Variants in WDR25 observed in about 807,000 individuals in gnomAD.
WDR25 encodes WD repeat domain 25.
A neutral mutation model predicts 47.7 loss-of-function variants in WDR25; 35 were observed. The ratio of observed to expected loss-of-function variants is 0.73; its 90% CI spans 0.56 to 0.97. WDR25 has a LOEUF of 0.97. Among genes scored for constraint, WDR25 ranks in the 50% least tolerant of loss-of-function variants. WDR25 has a pLI of 0.00. For missense variants in WDR25, 634 were observed against 704.7 expected (o/e 0.90, Z 1.14); for synonymous variants, 248 against 278.9 (o/e 0.89, Z 1.10).
At chr14:100,416,149 G>A (rs1484458107) in intron 2 of WDR25, among the ~76,000 whole-genome samples, 1 of 152,210 alleles carries the variant, frequency 6.6e-6, no homozygotes, top group African/African-American at 2.4e-5. Context: ...TCTCTACTTA[G>A]AGGTAGTTCT....
chr14:100,445,465 T>TA (rs35433371), intron 2 of WDR25, among the ~76,000 whole-genome samples: 118,854 of 152,058 alleles, frequency 0.78, 46,617 homozygotes, highest in East Asian at 0.9. Context: ...TAGTTTATCA[T>TA]AAAACTCACA....
intron 2 of WDR25, among the ~76,000 whole-genome samples, chr14:100,453,057 C>T (rs933493554): frequency 7.9e-5 from 12 of 151,794 alleles, no homozygotes; most frequent in African/African-American, 1.7e-4. Flanking sequence ...ACAGAGCTGA[C>T]GAGTGAGGGG....
intron 2 of WDR25, among the ~76,000 whole-genome samples, chr14:100,443,402 G>A (rs1346149467): frequency 6.9e-6 from 1 of 143,920 alleles, no homozygotes; most frequent in East Asian, 2.1e-4. Context: ...AAAAGCCACC[G>A]ACTGAATTCT....
chr14:100,470,151 A>G (rs74413792), intron 3 of WDR25, among the ~76,000 whole-genome samples: 2,875 of 152,286 alleles, frequency 0.019, 58 homozygotes, highest in African/African-American at 0.051. Context: ...TGGAGGAGGT[A>G]TGGTTGATGA....
At chr14:100,511,882 C>A (rs1901322753) in intron 4 of WDR25, among the ~76,000 whole-genome samples, 1 of 151,894 alleles carries the variant, frequency 6.6e-6, no homozygotes, top group Non-Finnish European at 1.5e-5. Context: ...TTTTTTTATT[C>A]TGTTAATATG....
In WDR25 at chr14:100,525,765, TA is replaced by T; in HGVS notation, c.1102-102del. 1 of 1,371,590 alleles carries T rather than the reference TA, an allele frequency of 7.3e-7. No individual in the cohort carries two copies. Among genetic ancestry groups the T allele is most frequent in the Non-Finnish European group, 9.9e-7 (1 of 1,012,978 alleles). 85.0% of individuals were successfully genotyped at this position (1,371,590 alleles called of 1,614,324 possible). A position where few individuals can be genotyped will look rare whatever the true frequency, so the allele number is the denominator to read the frequency against. On this transcript the variant is annotated intron_variant, in intron 4 of 6. Transcript: ENST00000402312. This position sits in a 1 kb window ranked among gnomAD's most constrained non-coding sequence, Gnocchi z 4.6. Reference sequence around the variant, plus strand: ...CAGCCTGGGTGTGTGTGGCCCAGCATAAACTTCACTAAACCTGCCTGCCCCC... The same window carrying T: ...CAGCCTGGGTGTGTGTGGCCCAGCATAACTTCACTAAACCTGCCTGCCCCC...
intron 2 of WDR25, among the ~76,000 whole-genome samples, chr14:100,435,449 A>G (rs1402993311): frequency 2.6e-5 from 4 of 152,208 alleles, no homozygotes; most frequent in African/African-American, 9.6e-5. Context: ...TCAATAGAAT[A>G]GGGTTTATGT....
In WDR25 at chr14:100,381,641, T is replaced by C. The variant is rs1306634626; in HGVS notation, c.717T>C (p.Leu239=). Residue 239 remains leucine (L), a synonymous_variant, in exon 2 of 7, where the codon CTT becomes CTC. Coordinates refer to ENST00000402312, the MANE Select transcript of WDR25 (RefSeq NM_001161476.3). ...AAACCACAGTTCCCCGGAAAGTGCT[T>C]TTCCACCTGAGAGGCCACAGGGGCC... is the stretch of plus-strand genomic sequence containing the variant. The part of the protein sequence containing the change: ...YKETTVPRKV[L]FHLRGHRGPV... 1.2e-6 allele frequency: 2 copies of C among 1,613,934 alleles called. No individual in the cohort carries two copies. The highest frequency in any genetic ancestry group is 1.7e-6 in the Non-Finnish European group (2 of 1,180,002).
chr14:100,447,321 C>T (rs1290402160), intron 2 of WDR25, among the ~76,000 whole-genome samples: 4 of 152,152 alleles, frequency 2.6e-5, no homozygotes, highest in Non-Finnish European at 4.4e-5. Flanking sequence ...AAATCTACAA[C>T]GATTTTAATT....
intron 2 of WDR25, among the ~76,000 whole-genome samples, chr14:100,387,944 T>G (rs1897055693): frequency 6.6e-6 from 1 of 152,234 alleles, no homozygotes; most frequent in South Asian, 2.1e-4. Context: ...GATTTATCAT[T>G]GTTAGTGAAT....
intron 2 of WDR25, among the ~76,000 whole-genome samples, chr14:100,433,182 T>C (rs1898394443): frequency 6.6e-6 from 1 of 152,284 alleles, no homozygotes; most frequent in South Asian, 2.1e-4. Context: ...TTCATGGTCA[T>C]GTGTTCCCTT....
rs112617279 is a variant in WDR25, at chr14:100,529,057, G to A, written c.1273-11G>A. 2 of 1,527,454 alleles carry A rather than the reference G, an allele frequency of 1.3e-6. No homozygotes were observed. Among genetic ancestry groups the A allele is most frequent in the African/African-American group, 1.4e-5 (1 of 72,702 alleles). The allele number at this position is 1,527,454 out of a possible 1,614,324, so 94.6% of individuals were successfully genotyped here. A position where few individuals can be genotyped will look rare whatever the true frequency, so the allele number is the denominator to read the frequency against. ...TCTTCTCTGACCCATTTGTGGCTCT[G>A]CTGTTCTCAGGAGAGGTTCACCTGC... On this transcript the variant is annotated splice_polypyrimidine_tract_variant and intron_variant, in intron 5 of 6. Coordinates refer to ENST00000402312, the MANE Select transcript of WDR25 (RefSeq NM_001161476.3). The surrounding 1 kb of genome is among the most constrained non-coding windows in gnomAD (Gnocchi z 5.1).
At chr14:100,416,152 G>A (rs145185662) in intron 2 of WDR25, among the ~76,000 whole-genome samples, 207 of 152,310 alleles carry the variant, frequency 1.4e-3, no homozygotes, top group African/African-American at 4.9e-3. Flanking sequence ...CTACTTAGAG[G>A]TAGTTCTTTA....
intron 2 of WDR25, among the ~76,000 whole-genome samples, chr14:100,411,022 A>G (rs1339491004): frequency 1.3e-5 from 2 of 152,206 alleles, no homozygotes; most frequent in African/African-American, 4.8e-5. Flanking sequence ...AGCTCAAGCA[A>G]TCCGCCCGCC....
intron 3 of WDR25, among the ~76,000 whole-genome samples, chr14:100,472,569 C>G (rs1211500908): frequency 6.6e-6 from 1 of 152,242 alleles, no homozygotes; most frequent in Non-Finnish European, 1.5e-5. Flanking sequence ...GCTAAGCTGT[C>G]CAGATGGCCC....
intron 2 of WDR25, among the ~76,000 whole-genome samples, chr14:100,387,945 G>A (rs1897055763): frequency 6.6e-6 from 1 of 152,326 alleles, no homozygotes; most frequent in Admixed American, 6.5e-5. Flanking sequence ...ATTTATCATT[G>A]TTAGTGAATC....
Position 100,530,040 on chromosome 14 carries a change from G to A in WDR25, c.1634G>A (p.Ter545=). 1 of 1,609,070 alleles carries A rather than the reference G, an allele frequency of 6.2e-7. No individual in the cohort carries two copies. Among genetic ancestry groups the A allele is most frequent in the South Asian group, 1.1e-5 (1 of 90,780 alleles). ...GGAGGGGACATGAAGATCTGGCACTGAGCTTTTTGTCACTGAACCTTCCCG... is the reference window on the plus strand; with the variant it reads ...GGAGGGGACATGAAGATCTGGCACTAAGCTTTTTGTCACTGAACCTTCCCG... ...SWGGDMKIWH[*] is the part of the protein sequence containing the mutation. Residue 545 remains the stop codon, a stop_retained_variant, in exon 7 of 7, where the codon TGA becomes TAA. Transcript: ENST00000402312.
chr14:100,472,634 C>A (rs1032894570), intron 3 of WDR25, among the ~76,000 whole-genome samples: 3 of 152,252 alleles, frequency 2.0e-5, no homozygotes, highest in Non-Finnish European at 4.4e-5. Flanking sequence ...CATCCAGAGG[C>A]CCCTGCTGGT....
chr14:100,413,339 C>T (rs1025449125), intron 2 of WDR25, among the ~76,000 whole-genome samples: 5 of 152,138 alleles, frequency 3.3e-5, no homozygotes, highest in African/African-American at 1.2e-4. Context: ...CCACCCCCAA[C>T]CTCAGCCCCA....
Sources: gnomAD v4.1 joint callset for allele counts (sites outside exome capture counted in the v4.1 genomes callset) on GRCh38, gnomAD v4.1.1 for gene constraint, Gnocchi (gnomAD v3.1) non-coding constraint, MANE v1.5 for transcripts, NCBI Gene and HGNC (gene_info 2026-07-23, HGNC 2026-07-21) for gene names.